Variants in THAP12 observed in about 807,000 individuals in gnomAD.
THAP12 encodes the protein 52 kDa repressor of the inhibitor of the protein kinase.
A neutral mutation model predicts 63.0 loss-of-function variants in THAP12; 20 were observed. That is an observed-to-expected ratio of 0.32 (90% CI 0.22 to 0.46). The LOEUF is 0.46. Among genes scored for constraint, THAP12 ranks in the 20% least tolerant of loss-of-function variants. The pLI, the probability that THAP12 is intolerant of heterozygous loss-of-function variation, is 1.00. For missense variants in THAP12, 568 were observed against 908.2 expected, an observed-to-expected ratio of 0.63 and a Z score of 4.81; for synonymous variants, 264 against 328.4, an observed-to-expected ratio of 0.80 and a Z score of 2.12.
At position 76,380,783 on chromosome 11, in the gene THAP12, G is replaced by T. The variant is rs758282050; in HGVS notation, c.54C>A (p.Asp18Glu). ...CCCGCGGGAACCTGAAGAAGGCCAA[G>T]TCGGACTGCGTGCTCTTCCGCGTGC... ...PNCTRKSTQS[D>E]LAFFRFPRDP... Residue 18 changes from aspartate to glutamate, a missense_variant, in exon 1 of 5, where the codon GAC becomes GAA. By Grantham distance (45) the Asp-to-Glu change is conservative. Transcript: ENST00000260045. 7 of 1,467,840 alleles carry T rather than the reference G, an allele frequency of 4.8e-6. No individual in the cohort carries two copies. The highest frequency in any genetic ancestry group is 6.3e-6 in the Non-Finnish European group (7 of 1,104,388). The allele number at this position is 1,467,840 out of a possible 1,614,324, so 90.9% of individuals were successfully genotyped here.
intron 1 of THAP12, among the ~76,000 whole-genome samples, chr11:76,369,433 C>T (rs1355425817): frequency 2.0e-5 from 3 of 152,198 alleles, no homozygotes; most frequent in African/African-American, 4.8e-5. Flanking sequence ...CTAGAACAGG[C>T]AAAACTCATT....
chr11:76,362,384 C>T (rs1202996967), intron 2 of THAP12, among the ~76,000 whole-genome samples: 1 of 152,204 alleles, frequency 6.6e-6, no homozygotes, highest in East Asian at 1.9e-4. Flanking sequence ...CTAAATGGAA[C>T]ACACTATCTT....
intron 2 of THAP12, chr11:76,361,427 A>T: frequency 6.1e-6 from 1 of 164,566 alleles, no homozygotes; most frequent in Non-Finnish European, 1.3e-5. Flanking sequence ...GCACTCTTGT[A>T]TGTTCCATAA....
At position 76,351,839 on chromosome 11, in the gene THAP12, T is replaced by C. The variant is rs748027289; in HGVS notation, c.1311A>G (p.Leu437=). The C allele has an allele frequency of 6.3e-7, 1 of 1,599,790 alleles. No individual in the cohort carries two copies. The highest frequency in any genetic ancestry group is 2.2e-5 in the East Asian group (1 of 44,716). Residue 437 remains leucine, a synonymous_variant, in exon 5 of 5, where the codon TTA becomes TTG. Transcript: ENST00000260045. ...AAACAAGTGCTTGCAGGAGTTCCAC[T>C]AAAATTTCAAAAGCATCATGCCTGC... ...WTGRHDAFEI[L]VELLQALVLC...
At chr11:76,374,351 T>C (rs1946694152) in intron 1 of THAP12, among the ~76,000 whole-genome samples, 1 of 147,270 alleles carries the variant, frequency 6.8e-6, no homozygotes, top group Non-Finnish European at 1.5e-5. Context: ...CAGTGAGTTA[T>C]ACATACCATA....
At chr11:76,364,070 T>C (rs1020483948) in intron 2 of THAP12, among the ~76,000 whole-genome samples, 1 of 152,266 alleles carries the variant, frequency 6.6e-6, no homozygotes, top group South Asian at 2.1e-4. Flanking sequence ...AAGAATGAAC[T>C]ATCCTTTAAA....
At chr11:76,375,647 T>A (rs1448442870) in intron 1 of THAP12, among the ~76,000 whole-genome samples, 1 of 151,058 alleles carries the variant, frequency 6.6e-6, no homozygotes, top group Non-Finnish European at 1.5e-5. Context: ...ATTAAATATA[T>A]TCATCTTTAT....
chr11:76,380,779 C>T lies in THAP12; in HGVS notation c.58G>A (p.Ala20Thr). Residue 20 changes from alanine (A) to threonine (T), a missense_variant, in exon 1 of 5, where the codon GCC becomes ACC. Transcript: ENST00000260045. Reference protein sequence around the residue: ...CTRKSTQSDLAFFRFPRDPAR... With the variant: ...CTRKSTQSDLTFFRFPRDPAR... ...GGGTCCCGCGGGAACCTGAAGAAGG[C>T]CAAGTCGGACTGCGTGCTCTTCCGC... 6.8e-7 allele frequency: 1 copy of T among 1,468,032 alleles called. No homozygotes were observed. Among genetic ancestry groups the T allele is most frequent in the Non-Finnish European group, 9.1e-7 (1 of 1,104,542 alleles). 90.9% of individuals were successfully genotyped at this position (1,468,032 alleles called of 1,614,324 possible). A position where few individuals can be genotyped will look rare whatever the true frequency, so the allele number is the denominator to read the frequency against.
chr11:76,379,314 C>T (rs1367213306), intron 1 of THAP12, among the ~76,000 whole-genome samples: 2 of 152,176 alleles, frequency 1.3e-5, no homozygotes, highest in Non-Finnish European at 2.9e-5. Context: ...ACCTTTGCCT[C>T]CCCACAATCT....
intron 1 of THAP12, among the ~76,000 whole-genome samples, chr11:76,366,405 C>T (rs530087075): frequency 7.2e-5 from 11 of 152,268 alleles, no homozygotes; most frequent in African/African-American, 2.2e-4. Flanking sequence ...GCAATTAGGC[C>T]GGGCGTGTTG....
intron 2 of THAP12, among the ~76,000 whole-genome samples, chr11:76,365,614 T>C (rs1341098181): frequency 6.6e-6 from 1 of 152,170 alleles, no homozygotes; most frequent in African/African-American, 2.4e-5. Context: ...CTCAAACTCC[T>C]GAGCTCAAGT....
chr11:76,363,547 A>C (rs963089658), intron 2 of THAP12, among the ~76,000 whole-genome samples: 1 of 151,126 alleles, frequency 6.6e-6, no homozygotes, highest in Non-Finnish European at 1.5e-5. Context: ...TAAAGCCAAA[A>C]CTCTTAAACA....
chr11:76,361,080 T>C lies in THAP12; in HGVS notation c.211-17A>G. ...ATAAGGACTCTGAAAAAGAAAATTGTGTTAATTCAGAGATGGTCCTTATAA... is the reference window on the plus strand; with the variant it reads ...ATAAGGACTCTGAAAAAGAAAATTGCGTTAATTCAGAGATGGTCCTTATAA... On this transcript the variant is annotated splice_polypyrimidine_tract_variant and intron_variant, in intron 2 of 4. Transcript: ENST00000260045. The C allele has an allele frequency of 5.3e-6, 8 of 1,517,038 alleles. No homozygotes were observed. Among genetic ancestry groups the C allele is most frequent in the Non-Finnish European group, 7.3e-6 (8 of 1,093,664 alleles). The allele number at this position is 1,517,038 out of a possible 1,614,324, so 94.0% of individuals were successfully genotyped here.
intron 2 of THAP12, 69 bp from the exon 3 acceptor site, chr11:76,361,132 T>C: frequency 1.0e-6 from 1 of 990,320 alleles, no homozygotes; most frequent in Non-Finnish European, 1.6e-6. Flanking sequence ...TAAAATTCTA[T>C]GTTAATGACC....
chr11:76,359,942 AAC>A (rs1946587493), intron 3 of THAP12, among the ~76,000 whole-genome samples: 1 of 152,248 alleles, frequency 6.6e-6, no homozygotes, highest in African/African-American at 2.4e-5. Flanking sequence ...ATGGTAATAA[AAC>A]AGTGTGGTAT....
chr11:76,371,108 A>G (rs148481338), intron 1 of THAP12, among the ~76,000 whole-genome samples: 1 of 152,186 alleles, frequency 6.6e-6, no homozygotes, highest in African/African-American at 2.4e-5. Flanking sequence ...AAGCTACCAT[A>G]ATTTTTTACC....
chr11:76,375,250 C>T (rs758605170), intron 1 of THAP12, among the ~76,000 whole-genome samples: 4 of 152,144 alleles, frequency 2.6e-5, no homozygotes, highest in Non-Finnish European at 4.4e-5. Context: ...AGAGCTTCAA[C>T]GCCCATCTCA....
At chr11:76,354,796 G>A (rs1946549109) in intron 4 of THAP12, among the ~76,000 whole-genome samples, 1 of 152,032 alleles carries the variant, frequency 6.6e-6, no homozygotes, top group African/African-American at 2.4e-5. Flanking sequence ...TGGCCTCTGG[G>A]GTCCTCTCTA....
chr11:76,352,953 A>C (rs1215543615), intron 4 of THAP12, among the ~76,000 whole-genome samples, 159 bp from the exon 5 acceptor site: 1 of 152,266 alleles, frequency 6.6e-6, no homozygotes, highest in Non-Finnish European at 1.5e-5. Flanking sequence ...GATTAAAATA[A>C]GACACTAAGA....
Sources: gnomAD v4.1 joint callset for allele counts (sites outside exome capture counted in the v4.1 genomes callset) on GRCh38, gnomAD v4.1.1 for gene constraint, MANE v1.5 for transcripts, NCBI Gene and HGNC (gene_info 2026-07-23, HGNC 2026-07-21) for gene names.